Variants in TMEM53 observed in about 807,000 individuals in gnomAD.
TMEM53 encodes transmembrane protein 53, also known as novel DUF829 domain-containing protein.
Under a neutral mutation model 21.4 loss-of-function variants are expected in TMEM53, and 14 were observed. That is an observed-to-expected ratio of 0.65 (90% CI 0.43 to 1.02). The LOEUF (loss-of-function observed/expected upper bound fraction) is 1.02, where lower values mean the gene tolerates loss of function less well. Ranked by LOEUF, TMEM53 falls within the 50% of genes least tolerant of loss-of-function variation. The pLI, the probability that TMEM53 is intolerant of heterozygous loss-of-function variation, is 0.00. For synonymous variants in TMEM53, 148 were observed against 157.4 expected (o/e 0.94, Z 0.45); for missense variants, 323 against 383.6 (o/e 0.84, Z 1.32).
Position 44,674,417 on chromosome 1 carries a change from G to C in TMEM53, c.-26C>G, listed in dbSNP as rs371878495. On this transcript the variant is annotated 5_prime_UTR_variant, in exon 1 of 3. Transcript: ENST00000372237. ...GGTGAAGGCGCCGGCCCAGAGCACG[G>C]GTCTCCAGCCGGAACTCCCGCTTGC... 9 of 1,596,088 alleles carry C rather than the reference G, an allele frequency of 5.6e-6. No homozygotes were observed. The highest frequency in any genetic ancestry group is 1.8e-5 in the Admixed American group (1 of 55,514).
intron 1 of TMEM53, among the ~76,000 whole-genome samples, chr1:44,660,751 G>A (rs1011234840): frequency 2.0e-5 from 3 of 151,912 alleles, no homozygotes; most frequent in Non-Finnish European, 4.4e-5. Flanking sequence ...TTGGGAGGCC[G>A]AGGCGGACGG....
intron 1 of TMEM53, among the ~76,000 whole-genome samples, chr1:44,665,572 T>A (rs931314607): frequency 1.3e-5 from 2 of 150,234 alleles, no homozygotes; most frequent in Admixed American, 1.3e-4. Context: ...GAGGCGGAGG[T>A]TGCAGTAAGC....
At chr1:44,660,071 T>G (rs533611817) in intron 2 of TMEM53, 103 bp downstream of exon 2, 10 of 1,405,736 alleles carry the variant, frequency 7.1e-6, no homozygotes, top group Middle Eastern at 3.7e-4. Context: ...TTGGCCAGGC[T>G]GGTCTCGAAC....
At chr1:44,667,133 G>A (rs542247859) in intron 1 of TMEM53, among the ~76,000 whole-genome samples, 37 of 151,838 alleles carry the variant, frequency 2.4e-4, no homozygotes, top group Admixed American at 1.4e-3. Flanking sequence ...ATGAGCCACC[G>A]CGCCTGGCCA....
In TMEM53 at chr1:44,660,620, G is replaced by A. The variant is rs372111864; in HGVS notation, c.62-325C>T. On this transcript the variant is annotated intron_variant, in intron 1 of 2. Coordinates refer to ENST00000372237, the MANE Select transcript of TMEM53 (RefSeq NM_024587.4). ...GGGCTCAGCGAACTACAACCCCGGG[G>A]CCAAACTGAGCCCACTGCCTATTTT... Among the ~76,000 whole-genome samples the A allele has an allele frequency of 1.1e-3, 170 of 152,210 alleles. 1 individual carries two copies. The highest frequency in any genetic ancestry group is 4.0e-3 in the African/African-American group (164 of 41,512).
chr1:44,660,487 T>C (rs1172170027), intron 1 of TMEM53, among the ~76,000 whole-genome samples, 192 bp from the exon 2 acceptor site: 3 of 152,196 alleles, frequency 2.0e-5, no homozygotes, highest in African/African-American at 7.2e-5. Context: ...GGAGGCACCA[T>C]GGGGTCACCG....
intron 1 of TMEM53, among the ~76,000 whole-genome samples, chr1:44,664,976 C>T (rs983351764): frequency 1.2e-4 from 19 of 152,222 alleles, no homozygotes; most frequent in East Asian, 9.6e-4. Context: ...CTCCAGCCCA[C>T]GATGCTGATG....
Position 44,654,458 on chromosome 1 carries a change from G to A in TMEM53, c.*101C>T, listed in dbSNP as rs1375926342. The A allele has an allele frequency of 5.0e-6, 7 of 1,411,194 alleles. No homozygotes were observed. The African/African-American group carries it at 5.7e-5, about 11-fold the overall frequency. 87.4% of individuals were successfully genotyped at this position (1,411,194 alleles called of 1,614,324 possible). A position where few individuals can be genotyped will look rare whatever the true frequency, so the allele number is the denominator to read the frequency against. ...CTTAGGGGACCGCAAAGTCCCAAAG[G>A]GCTACAGGGAGTTGAACGAGAAGAG... On this transcript the variant is annotated 3_prime_UTR_variant, in exon 3 of 3. Transcript: ENST00000372237. The surrounding 1 kb of genome is among the most constrained non-coding windows in gnomAD (Gnocchi z 7.0).
chr1:44,661,386 A>G (rs889559878), intron 1 of TMEM53, among the ~76,000 whole-genome samples: 3 of 150,484 alleles, frequency 2.0e-5, no homozygotes, highest in African/African-American at 7.3e-5. Context: ...ACCCACCACC[A>G]TGTGCAGCTT....
chr1:44,664,393 G>A (rs112080292), intron 1 of TMEM53, among the ~76,000 whole-genome samples: 34,318 of 150,884 alleles, frequency 0.23, 5,191 homozygotes, highest in Middle Eastern at 0.35. Flanking sequence ...GGGAGGTTGC[G>A]GTGAGCCGAG....
At position 44,655,084 on chromosome 1, in the gene TMEM53, C is replaced by T; in HGVS notation, c.309G>A (p.Glu103=). 1 of 1,614,200 alleles carries T rather than the reference C, an allele frequency of 6.2e-7. No homozygotes were observed. Among genetic ancestry groups the T allele is most frequent in the Non-Finnish European group, 8.5e-7 (1 of 1,180,034 alleles). Residue 103 remains glutamate, a synonymous_variant, in exon 3 of 3, where the codon GAG becomes GAA. Transcript: ENST00000372237. The surrounding 1 kb of genome is among the most constrained non-coding windows in gnomAD (Gnocchi z 4.4). ...LLELLFDYEI[E]KEPLLFHVFS... ...AGACATGGAAGAGCAGGGGCTCCTT[C>T]TCAATCTCATAATCAAAGAGCAGCT...
At chr1:44,672,617 C>G (rs911955564) in intron 1 of TMEM53, among the ~76,000 whole-genome samples, 1 of 152,210 alleles carries the variant, frequency 6.6e-6, no homozygotes, top group Non-Finnish European at 1.5e-5. Context: ...GGTCTGCTAG[C>G]AATGGAATGC....
chr1:44,674,444 CA>C lies in TMEM53; in HGVS notation c.-54del, dbSNP rs957870073. 21 of 1,573,234 alleles carry C rather than the reference CA, an allele frequency of 1.3e-5. No individual in the cohort carries two copies. In the African/African-American group the frequency reaches 2.7e-4, roughly 20 times the overall value. Reference sequence around the variant, plus strand: ...TCTCCAGCCGGAACTCCCGCTTGCGCACCCGTGCCTCACCCGGGCGCCTCCT... The same window carrying C: ...TCTCCAGCCGGAACTCCCGCTTGCGCCCCGTGCCTCACCCGGGCGCCTCCT... On this transcript the variant is annotated 5_prime_UTR_variant, in exon 1 of 3. Transcript: ENST00000372237.
chr1:44,661,605 A>C (rs921391323), intron 1 of TMEM53, among the ~76,000 whole-genome samples: 1 of 152,132 alleles, frequency 6.6e-6, no homozygotes, highest in African/African-American at 2.4e-5. Context: ...CTGCCAGAGA[A>C]TAGCCTATAT....
At chr1:44,674,303 G>A (rs1392964760) in intron 1 of TMEM53, 28 bp downstream of exon 1, 1 of 1,594,718 alleles carries the variant, frequency 6.3e-7, no homozygotes, top group African/African-American at 1.3e-5. Context: ...TCACCTCCCC[G>A]CGCCTGGACC....
At position 44,655,007 on chromosome 1, in the gene TMEM53, G is replaced by A; in HGVS notation, c.386C>T (p.Thr129Ile). Residue 129 changes from threonine to isoleucine, a missense_variant, in exon 3 of 3, where the codon ACC (threonine) becomes ATC (isoleucine). Thr to Ile is a moderately conservative substitution (Grantham distance 89). Around this residue, in one of 3 missense-constraint regions of TMEM53, gnomAD observed 269 missense variants for 334.5 expected, o/e 0.80. Coordinates refer to ENST00000372237, the MANE Select transcript of TMEM53 (RefSeq NM_024587.4). The surrounding 1 kb of genome is among the most constrained non-coding windows in gnomAD (Gnocchi z 4.4). ...LYRYVLELLQTRRFCRLRVVG... is the reference protein window; with the variant it reads ...LYRYVLELLQIRRFCRLRVVG... ...CACACGCAGGCGGCAGAAGCGACGGGTCTGCAGGAGCTCCAGCACGTAGCG... is the reference window on the plus strand; with the variant it reads ...CACACGCAGGCGGCAGAAGCGACGGATCTGCAGGAGCTCCAGCACGTAGCG... 1.2e-6 allele frequency: 2 copies of A among 1,614,048 alleles called. No homozygotes were observed. The highest frequency in any genetic ancestry group is 1.7e-5 in the Admixed American group (1 of 60,024).
intron 1 of TMEM53, among the ~76,000 whole-genome samples, chr1:44,662,871 C>G (rs1644913818): frequency 6.6e-6 from 1 of 152,198 alleles, no homozygotes; most frequent in Non-Finnish European, 1.5e-5. Context: ...GCTGCTGGGC[C>G]TCCCAACTGC....
At position 44,654,516 on chromosome 1, in the gene TMEM53, C is replaced by A; in HGVS notation, c.*43G>T. ...CAGATTGCAGGTTGTGGGGAGGTGT[C>A]AGGCATTTATTTCTGGAGCAGAGGT... On this transcript the variant is annotated 3_prime_UTR_variant, in exon 3 of 3. Transcript: ENST00000372237. This position sits in a 1 kb window ranked among gnomAD's most constrained non-coding sequence, Gnocchi z 7.0. 6.4e-7 allele frequency: 1 copy of A among 1,574,348 alleles called. No homozygotes were observed.
chr1:44,659,038 G>A (rs1644875434), intron 2 of TMEM53, among the ~76,000 whole-genome samples: 1 of 152,138 alleles, frequency 6.6e-6, no homozygotes, highest in Non-Finnish European at 1.5e-5. Flanking sequence ...CAGACAAGCC[G>A]AGCCCAGTGA....
Sources: allele counts gnomAD v4.1 joint callset (sites outside exome capture counted in the v4.1 genomes callset), GRCh38; gene constraint gnomAD v4.1.1; regional missense constraint gnomAD v4.1.1; non-coding constraint Gnocchi (gnomAD v3.1); transcripts MANE v1.5; gene names NCBI Gene and HGNC (gene_info 2026-07-23, HGNC 2026-07-21).